GPC5: variants seen among roughly 807,000 people sequenced by gnomAD.
GPC5 encodes the protein glypican 5.
GPC5 carries 47 observed loss-of-function variants against 53.9 expected under a neutral mutation model. That is an observed-to-expected ratio of 0.87 (90% confidence interval 0.69 to 1.11). The LOEUF (loss-of-function observed/expected upper bound fraction) is 1.11. GPC5 is among the 50% of genes most tolerant of loss of function. The probability of loss-of-function intolerance (pLI) is 0.00; values close to 1 mark genes in which losing one functional copy is unlikely to be tolerated. For missense variants in GPC5, 748 were observed against 713.1 expected (o/e 1.05, Z -0.56); for synonymous variants, 286 against 263.3 (o/e 1.09, Z -0.84).
intron 2 of GPC5, among the ~76,000 whole-genome samples, chr13:91,552,621 C>A (rs2030711290): frequency 6.6e-6 from 1 of 152,072 alleles, no homozygotes; most frequent in Admixed American, 6.6e-5. Flanking sequence ...ATAGGTTGGG[C>A]TGGTTAACTG....
rs560968835 is a variant in GPC5, at chr13:91,770,860, A to G, written c.1280+14440A>G. ...CAAACATCTTATTTCAAATTGGCCA[A>G]TTTTTGTGTGGTATACATGAGAGGG... On this transcript the variant is annotated intron_variant, in intron 5 of 7. Coordinates refer to ENST00000377067, the MANE Select transcript of GPC5 (RefSeq NM_004466.6). Among the ~76,000 whole-genome samples the G allele has an allele frequency of 5.3e-5, 8 of 152,268 alleles. No homozygotes were observed. In the South Asian group the frequency reaches 1.7e-3, roughly 32 times the overall value.
At chr13:91,689,176 C>CATATATAA (rs1263759432) in intron 2 of GPC5, among the ~76,000 whole-genome samples, 1 of 59,010 alleles carries the variant, frequency 1.7e-5, no homozygotes, top group Admixed American at 2.5e-4. Flanking sequence ...CTCAAAAAAT[C>CATATATAA]ATATATAAAT....
chr13:92,408,395 A>G (rs1195853638), intron 7 of GPC5, among the ~76,000 whole-genome samples: 1 of 152,154 alleles, frequency 6.6e-6, no homozygotes, highest in East Asian at 1.9e-4. Context: ...GTAGCTTGTT[A>G]TATTGAGACA....
At chr13:92,864,089 T>C (rs1879269388) in intron 7 of GPC5, among the ~76,000 whole-genome samples, 1 of 152,208 alleles carries the variant, frequency 6.6e-6, no homozygotes. Flanking sequence ...ATGAAAATAA[T>C]CATTGCATCA....
intron 7 of GPC5, among the ~76,000 whole-genome samples, chr13:92,517,572 G>A (rs941106180): frequency 6.6e-6 from 1 of 152,178 alleles, no homozygotes; most frequent in Non-Finnish European, 1.5e-5. Flanking sequence ...GGCAAACAGG[G>A]TCTGGAGTGG....
At chr13:92,491,955 T>G (rs532918617) in intron 7 of GPC5, among the ~76,000 whole-genome samples, 6 of 152,292 alleles carry the variant, frequency 3.9e-5, no homozygotes, top group African/African-American at 1.2e-4. Flanking sequence ...TGCAGAATCA[T>G]TCTTTCTTCA....
At chr13:91,577,690 G>A (rs1400395532) in intron 2 of GPC5, among the ~76,000 whole-genome samples, 1 of 152,152 alleles carries the variant, frequency 6.6e-6, no homozygotes, top group African/African-American at 2.4e-5. Context: ...TAAGGGCTGT[G>A]AGCTTCTTCT....
chr13:91,949,384 T>C (rs2040005387), intron 6 of GPC5, among the ~76,000 whole-genome samples: 1 of 152,210 alleles, frequency 6.6e-6, no homozygotes, highest in Admixed American at 6.5e-5. Context: ...TTCATAACTC[T>C]ATAGAAATGA....
intron 7 of GPC5, among the ~76,000 whole-genome samples, chr13:92,773,275 T>C (rs540649499): frequency 5.3e-5 from 8 of 152,326 alleles, no homozygotes; most frequent in South Asian, 4.1e-4. Flanking sequence ...TGTGAACTAA[T>C]AATCTCATAA....
intron 5 of GPC5, among the ~76,000 whole-genome samples, chr13:91,814,442 G>A (rs1340925377): frequency 2.0e-5 from 3 of 151,980 alleles, no homozygotes; most frequent in Admixed American, 6.6e-5. Context: ...CATAATATTC[G>A]GTATTTTTAC....
At chr13:92,650,338 T>C (rs1475425055) in intron 7 of GPC5, among the ~76,000 whole-genome samples, 1 of 152,144 alleles carries the variant, frequency 6.6e-6, no homozygotes, top group East Asian at 1.9e-4. Flanking sequence ...GAAAGTCCCT[T>C]CACACACTAT....
Position 92,442,756 on chromosome 13 carries a change from A to T in GPC5, c.1561+297767A>T, listed in dbSNP as rs148326510. 1.7e-3 allele frequency among the ~76,000 whole-genome samples: 263 copies of T among 152,306 alleles called. 8 individuals are homozygous for T. In the East Asian group the frequency reaches 0.046, roughly 26 times the overall value. The stretch of plus-strand genomic sequence containing the variant: ...CAAAAAAACTCAAAAGCCCAACTGC[A>T]TAGGGGTTCGTGCATAAGAGTATCA... On this transcript the variant is annotated intron_variant, in intron 7 of 7. Coordinates refer to ENST00000377067, the MANE Select transcript of GPC5 (RefSeq NM_004466.6).
At chr13:92,723,013 T>C (rs11620499) in intron 7 of GPC5, among the ~76,000 whole-genome samples, 40,033 of 151,542 alleles carry the variant, frequency 0.26, 5,693 homozygotes, top group Admixed American at 0.38. Context: ...CTAGAAATGA[T>C]GTGGATTTTG....
intron 7 of GPC5, among the ~76,000 whole-genome samples, chr13:92,403,953 G>T (rs1430735692): frequency 6.6e-6 from 1 of 151,840 alleles, no homozygotes; most frequent in Non-Finnish European, 1.5e-5. Context: ...AAAAATAAAA[G>T]GTATTTGAAA....
At chr13:92,516,411 C>T (rs1172031488) in intron 7 of GPC5, among the ~76,000 whole-genome samples, 1 of 152,036 alleles carries the variant, frequency 6.6e-6, no homozygotes, top group Non-Finnish European at 1.5e-5. Flanking sequence ...CCCACTAATG[C>T]ACTTGATATA....
At chr13:92,263,999 T>C (rs1296910537) in intron 7 of GPC5, among the ~76,000 whole-genome samples, 3 of 152,276 alleles carry the variant, frequency 2.0e-5, no homozygotes, top group Non-Finnish European at 4.4e-5. Flanking sequence ...GATTTGTTAA[T>C]CAGATTGATT....
intron 6 of GPC5, among the ~76,000 whole-genome samples, chr13:91,950,947 C>G (rs144297608): frequency 6.6e-6 from 1 of 152,246 alleles, no homozygotes; most frequent in African/African-American, 2.4e-5. Context: ...TGCTGCCCAC[C>G]ACACCTAATA....
intron 7 of GPC5, among the ~76,000 whole-genome samples, chr13:92,747,496 T>C (rs1889268597): frequency 6.6e-6 from 1 of 152,248 alleles, no homozygotes; most frequent in South Asian, 2.1e-4. Flanking sequence ...CTGTGGAAAA[T>C]AATAAGCAAG....
intron 2 of GPC5, among the ~76,000 whole-genome samples, chr13:91,587,478 G>A (rs1237318540): frequency 1.3e-5 from 2 of 152,104 alleles, no homozygotes; most frequent in East Asian, 3.9e-4. Flanking sequence ...GTTTGGCTAG[G>A]GAACTGTTTT....
Sources: allele counts gnomAD v4.1 joint callset (sites outside exome capture counted in the v4.1 genomes callset), GRCh38; gene constraint gnomAD v4.1.1; transcripts MANE v1.5; gene names NCBI Gene and HGNC (gene_info 2026-07-23, HGNC 2026-07-21).